The following MNAT1 variants were observed in gnomAD, a reference collection of about 807,000 sequenced individuals.
MNAT1 encodes CDK-activating kinase assembly factor MAT1.
MNAT1 carries 43 observed loss-of-function variants against 42.0 expected under a neutral mutation model. The ratio of observed to expected loss-of-function variants is 1.02; its 90% CI spans 0.80 to 1.32. The LOEUF (loss-of-function observed/expected upper bound fraction) is 1.32. Among genes scored for constraint, MNAT1 ranks in the 40% most tolerant of loss-of-function variants. The pLI is 0.00. For synonymous variants in MNAT1, 118 were observed against 120.0 expected (o/e 0.98, Z 0.11); for missense variants, 306 against 350.4 (o/e 0.87, Z 1.01).
At chr14:60,850,404 C>G (rs1247913791) in intron 6 of MNAT1, among the ~76,000 whole-genome samples, 1 of 152,164 alleles carries the variant, frequency 6.6e-6, no homozygotes, top group Non-Finnish European at 1.5e-5. Flanking sequence ...CCACTAGGAG[C>G]ATTTGAGTTG....
chr14:60,807,798 A>G (rs976922196), intron 3 of MNAT1, among the ~76,000 whole-genome samples: 9 of 151,840 alleles, frequency 5.9e-5, no homozygotes, highest in African/African-American at 2.2e-4. Context: ...TTAAGTTCCA[A>G]CTCCTTTATT....
intron 6 of MNAT1, among the ~76,000 whole-genome samples, chr14:60,823,217 A>C (rs975440799): frequency 2.0e-5 from 3 of 152,092 alleles, no homozygotes; most frequent in African/African-American, 4.8e-5. Flanking sequence ...AAATTCTAAA[A>C]CTGAAAACTC....
At chr14:60,874,921 A>G (rs1182416602) in intron 6 of MNAT1, among the ~76,000 whole-genome samples, 3 of 152,072 alleles carry the variant, frequency 2.0e-5, no homozygotes, top group Admixed American at 2.0e-4. Context: ...CATATCAATG[A>G]GTGTAAGTCA....
intron 7 of MNAT1, among the ~76,000 whole-genome samples, chr14:60,936,466 A>G (rs900310829): frequency 6.9e-6 from 1 of 145,554 alleles, no homozygotes; most frequent in African/African-American, 2.6e-5. Flanking sequence ...ACCTATGAGA[A>G]CATGCGGTGT....
intron 1 of MNAT1, among the ~76,000 whole-genome samples, chr14:60,768,387 A>T (rs1481656779): frequency 6.6e-6 from 1 of 152,226 alleles, no homozygotes; most frequent in African/African-American, 2.4e-5. Context: ...TGACTTTTAA[A>T]GGTCTTGGTT....
chr14:60,843,968 A>G (rs1398619486), intron 6 of MNAT1, among the ~76,000 whole-genome samples: 3 of 152,164 alleles, frequency 2.0e-5, no homozygotes, highest in African/African-American at 7.2e-5. Flanking sequence ...TATGTATGGT[A>G]TACAGTACCT....
At chr14:60,913,688 G>T (rs2035442088) in intron 7 of MNAT1, among the ~76,000 whole-genome samples, 2 of 152,152 alleles carry the variant, frequency 1.3e-5, no homozygotes, top group South Asian at 2.1e-4. Flanking sequence ...TCCTCTGGAA[G>T]TTTTGTCTCA....
rs146682522 is a variant in MNAT1 at position 60,908,711 on chromosome 14, C to G, written c.809+28876C>G. Among the ~76,000 whole-genome samples the G allele has an allele frequency of 6.9e-3, 1,048 of 152,274 alleles. 23 individuals carry two copies. Among genetic ancestry groups the G allele is most frequent in the African/African-American group, 0.024 (985 of 41,542 alleles). On this transcript the variant is annotated intron_variant, in intron 7 of 7. Coordinates refer to ENST00000261245, the MANE Select transcript of MNAT1 (RefSeq NM_002431.4). ...TGTATATGTGCCACATTTTCTTAAT[C>G]CAGTCTATCATTGTTGGACATTTGG...
intron 7 of MNAT1, among the ~76,000 whole-genome samples, chr14:60,937,342 T>G (rs1341992462): frequency 3.3e-5 from 5 of 152,176 alleles, no homozygotes; most frequent in Admixed American, 6.5e-5. Flanking sequence ...TTTTCTTCTA[T>G]GGTTTTTATG....
At position 60,834,057 on chromosome 14, in the gene MNAT1, C is replaced by A. The variant is rs570971641; in HGVS notation, c.687+15210C>A. 3.3e-5 allele frequency among the ~76,000 whole-genome samples: 5 copies of A among 152,074 alleles called. No individual in the cohort carries two copies. In the East Asian group the frequency reaches 9.7e-4, roughly 29 times the overall value. ...CATTTTTTATTGTGTCTATTTGATT[C>A]TTCTCTCTTGTTTATTAGTCTGGAT... On this transcript the variant is annotated intron_variant, in intron 6 of 7. Coordinates refer to ENST00000261245, the MANE Select transcript of MNAT1 (RefSeq NM_002431.4).
intron 1 of MNAT1, among the ~76,000 whole-genome samples, chr14:60,784,458 T>A (rs1208364088): frequency 5.9e-5 from 9 of 151,908 alleles, no homozygotes; most frequent in Non-Finnish European, 1.5e-5. Flanking sequence ...GGATTATAGA[T>A]GTGAGCCACT....
intron 6 of MNAT1, among the ~76,000 whole-genome samples, chr14:60,835,843 C>T (rs1037502072): frequency 1.5e-4 from 23 of 152,116 alleles, no homozygotes; most frequent in Admixed American, 7.9e-4. Flanking sequence ...AGCTTGGTTC[C>T]GTTCTTTCCG....
intron 7 of MNAT1, among the ~76,000 whole-genome samples, chr14:60,894,062 G>A (rs1231162817): frequency 1.3e-5 from 2 of 152,042 alleles, no homozygotes; most frequent in African/African-American, 2.4e-5. Flanking sequence ...TTGCAGGTGG[G>A]GAATCTTGGG....
At position 60,902,919 on chromosome 14, in the gene MNAT1, T is replaced by G. The variant is rs4151324; in HGVS notation, c.809+23084T>G. On this transcript the variant is annotated intron_variant, in intron 7 of 7. Transcript: ENST00000261245. ...TACCTAGTTCTATTAGGTGAATATC[T>G]GGGTTTTTATCTAGGAGTCAGTCAG... Among the ~76,000 whole-genome samples the G allele has an allele frequency of 2.6e-4, 39 of 152,142 alleles. 1 individual carries two copies. In the South Asian group the frequency reaches 8.1e-3, roughly 32 times the overall value.
chr14:60,765,409 A>G (rs924520919), intron 1 of MNAT1, among the ~76,000 whole-genome samples: 2 of 152,206 alleles, frequency 1.3e-5, no homozygotes, highest in African/African-American at 4.8e-5. Flanking sequence ...CATTAGGAGA[A>G]ATACCTGATG....
chr14:60,903,167 A>G (rs1476966461), intron 7 of MNAT1, among the ~76,000 whole-genome samples: 2 of 151,996 alleles, frequency 1.3e-5, no homozygotes, highest in Non-Finnish European at 2.9e-5. Flanking sequence ...TATTTTCTAA[A>G]TCACAATGAA....
At chr14:60,928,979 T>G (rs1206435394) in intron 7 of MNAT1, among the ~76,000 whole-genome samples, 1 of 150,546 alleles carries the variant, frequency 6.6e-6, no homozygotes, top group Admixed American at 6.6e-5. Flanking sequence ...AAAGCTCGTC[T>G]CTACTAAAAA....
intron 7 of MNAT1, among the ~76,000 whole-genome samples, chr14:60,890,302 T>C (rs1190126778): frequency 1.3e-5 from 2 of 152,198 alleles, no homozygotes; most frequent in African/African-American, 4.8e-5. Context: ...TAAATTTACG[T>C]ACTCATGATG....
chr14:60,913,898 G>A (rs1010315745), intron 7 of MNAT1, among the ~76,000 whole-genome samples: 1 of 152,216 alleles, frequency 6.6e-6, no homozygotes, highest in Non-Finnish European at 1.5e-5. Context: ...TTGCTCTTTT[G>A]TTTGTCTGTG....
Sources: gnomAD v4.1 joint callset for allele counts (sites outside exome capture counted in the v4.1 genomes callset) on GRCh38, gnomAD v4.1.1 for gene constraint, MANE v1.5 for transcripts, NCBI Gene and HGNC (gene_info 2026-07-23, HGNC 2026-07-21) for gene names.